Variants in SLC26A4 observed in about 807,000 individuals in gnomAD.
The protein encoded by SLC26A4 is solute carrier family 26 member 4.
Under a neutral mutation model 90.4 loss-of-function variants are expected in SLC26A4, and 93 were observed. That is an observed-to-expected ratio of 1.03 (90% confidence interval 0.87 to 1.22). The LOEUF (loss-of-function observed/expected upper bound fraction) is 1.22. Ranked by LOEUF, SLC26A4 falls within the 50% of genes most tolerant of loss-of-function variation. SLC26A4 has a pLI of 0.00. For synonymous variants in SLC26A4, 393 were observed against 354.6 expected, an observed-to-expected ratio of 1.11 and a Z score of -1.22; for missense variants, 1,127 against 946.2, an observed-to-expected ratio of 1.19 and a Z score of -2.51.
rs1193453648 is a variant in SLC26A4 at position 107,712,622 on chromosome 7, G to A, written c.2319G>A (p.Glu773=). The A allele has an allele frequency of 1.3e-6, 2 of 1,493,260 alleles. No individual in the cohort carries two copies. The highest frequency in any genetic ancestry group is 2.3e-5 in the East Asian group (1 of 44,286). 92.5% of individuals were successfully genotyped at this position (1,493,260 alleles called of 1,614,324 possible). A position where few individuals can be genotyped will look rare whatever the true frequency, so the allele number is the denominator to read the frequency against. Reference sequence around the variant, plus strand: ...AAGAAGAACTTGATGTCCAGGATGAGGTATGATCATTTTCTTCTGAAGAAA... The same window carrying A: ...AAGAAGAACTTGATGTCCAGGATGAAGTATGATCATTTTCTTCTGAAGAAA... ...LTEEELDVQD[E]AMRTLAS Residue 773 remains glutamate, a splice_region_variant and synonymous_variant, in exon 20 of 21, where the codon GAG becomes GAA. Transcript: ENST00000644269.
intron 6 of SLC26A4, among the ~76,000 whole-genome samples, chr7:107,679,877 ATATAATC>A (rs1562826781): frequency 1.6e-5 from 2 of 125,138 alleles, no homozygotes; most frequent in African/African-American, 7.0e-5. Context: ...ATCTTATATT[ATATAATC>A]TTATCTTATA....
chr7:107,669,701 CTGT>C (rs987309411), intron 3 of SLC26A4, among the ~76,000 whole-genome samples: 2 of 152,206 alleles, frequency 1.3e-5, no homozygotes, highest in African/African-American at 4.8e-5. Context: ...GCATAATCAA[CTGT>C]TGTTGAATGA....
rs60305182 is a variant in SLC26A4, at chr7:107,665,822, C to T, written c.304+2387C>T. 0.015 allele frequency among the ~76,000 whole-genome samples: 2,277 copies of T among 152,248 alleles called. 200 individuals are homozygous for T. In the East Asian group the frequency reaches 0.26, roughly 17 times the overall value. ...ATCTATTAAATCTTGCCCAGGGTCA[C>T]GTGGCTGGTAAGTGGTACAGCTGGG... is the stretch of plus-strand genomic sequence containing the variant. On this transcript the variant is annotated intron_variant, in intron 3 of 20. Transcript: ENST00000644269.
Position 107,709,987 on chromosome 7 carries a change from T to A in SLC26A4, c.2090-67T>A, listed in dbSNP as rs1792136044. The A allele has an allele frequency of 7.4e-6, 10 of 1,356,708 alleles. No homozygotes were observed. The East Asian group carries it at 2.3e-4, about 31-fold the overall frequency. 84.0% of individuals were successfully genotyped at this position (1,356,708 alleles called of 1,614,324 possible). Reference sequence around the variant, plus strand: ...CAGCCTGGGCAATAGAATGAGACTCTGTCTCAAAAACAAACAAAAATTTCT... The same window carrying A: ...CAGCCTGGGCAATAGAATGAGACTCAGTCTCAAAAACAAACAAAAATTTCT... On this transcript the variant is annotated intron_variant, in intron 18 of 20. Transcript: ENST00000644269.
At chr7:107,692,889 A>T (rs935409570) in intron 10 of SLC26A4, 1 of 152,174 alleles carries the variant, frequency 6.6e-6, no homozygotes, top group African/African-American at 2.4e-5. Context: ...TAGTGGCCAA[A>T]ATGAGCCTTG....
Position 107,661,225 on chromosome 7 carries a change from A to C in SLC26A4, c.-4+370A>C. 1.1e-4 allele frequency: 24 copies of C among 224,178 alleles called. No homozygotes were observed. The highest frequency in any genetic ancestry group is 1.8e-4 in the Non-Finnish European group (20 of 111,958). 13.9% of individuals were successfully genotyped at this position (224,178 alleles called of 1,614,324 possible). On this transcript the variant is annotated intron_variant, in intron 1 of 20. Coordinates refer to ENST00000644269, the MANE Select transcript of SLC26A4 (RefSeq NM_000441.2). This position sits in a 1 kb window ranked among gnomAD's most constrained non-coding sequence, Gnocchi z 5.1. The stretch of plus-strand genomic sequence containing the variant: ...CGGGTCAGGTGCGGGGAGGGAGGGA[A>C]TCTCAGTGTCCCCTTCCAGCCTTGC...
chr7:107,675,105 T>C lies in SLC26A4; in HGVS notation c.761T>C (p.Ile254Thr). Residue 254 changes from isoleucine to threonine, a missense_variant, in exon 6 of 21, where the codon ATC becomes ACC. Physicochemically the swap from Ile to Thr is moderately conservative, Grantham distance 89. Transcript: ENST00000644269. ...TKNYNGVLSI[I>T]YTLVEIFQNI... Reference sequence around the variant, plus strand: ...AACTACAATGGAGTTCTCTCTATTATCTATGTAAGTGTTGCTTCTTGCTCC... The same window carrying C: ...AACTACAATGGAGTTCTCTCTATTACCTATGTAAGTGTTGCTTCTTGCTCC... 1 of 1,613,126 alleles carries C rather than the reference T, an allele frequency of 6.2e-7. No homozygotes were observed.
rs774544475 is a variant in SLC26A4 at position 107,698,131 on chromosome 7, A to G, written c.1614+20A>G. ...AAAAACGTAAGTACCTTTGTGAGAC[A>G]TTTGCTGGACTTGGGTTTACTAGCC... is the stretch of plus-strand genomic sequence containing the variant. On this transcript the variant is annotated intron_variant, in intron 14 of 20. Transcript: ENST00000644269. 2 of 1,534,136 alleles carry G rather than the reference A, an allele frequency of 1.3e-6. No individual in the cohort carries two copies. Among genetic ancestry groups the G allele is most frequent in the South Asian group, 1.1e-5 (1 of 89,478 alleles).
intron 6 of SLC26A4, among the ~76,000 whole-genome samples, chr7:107,677,148 G>T (rs1791044847): frequency 6.6e-6 from 1 of 152,208 alleles, no homozygotes; most frequent in Non-Finnish European, 1.5e-5. Flanking sequence ...CTGCCTTCCA[G>T]CCTGGGTGAT....
intron 6 of SLC26A4, among the ~76,000 whole-genome samples, chr7:107,680,002 T>C (rs1584313542): frequency 1.5e-5 from 2 of 134,970 alleles, no homozygotes. Context: ...TATAATCTTA[T>C]CTTATTATAT....
At chr7:107,668,051 G>T (rs934237022) in intron 3 of SLC26A4, among the ~76,000 whole-genome samples, 1 of 152,080 alleles carries the variant, frequency 6.6e-6, no homozygotes, top group African/African-American at 2.4e-5. Flanking sequence ...GGGTCCCCAG[G>T]CAGTGTTGAG....
intron 9 of SLC26A4, 86 bp downstream of exon 9, chr7:107,689,286 A>T: frequency 1.4e-6 from 2 of 1,425,320 alleles, no homozygotes; most frequent in South Asian, 2.3e-5. Context: ...TGTCAGCTAA[A>T]GAAGGGGTTG....
chr7:107,681,244 A>C (rs1294764837), intron 6 of SLC26A4, among the ~76,000 whole-genome samples: 2 of 152,152 alleles, frequency 1.3e-5, no homozygotes, highest in Non-Finnish European at 2.9e-5. Context: ...GTCTTCCTAC[A>C]AGTTAAATGC....
chr7:107,672,062 A>G, intron 3 of SLC26A4, 76 bp from the exon 4 acceptor site: 1 of 884,374 alleles, frequency 1.1e-6, no homozygotes, highest in South Asian at 1.3e-5. Context: ...TCATAAGTGG[A>G]ACCATTGTAA....
chr7:107,704,955 A>G (rs567292361), intron 18 of SLC26A4, among the ~76,000 whole-genome samples: 3 of 152,284 alleles, frequency 2.0e-5, no homozygotes, highest in East Asian at 3.9e-4. Flanking sequence ...GCGGGAGCTT[A>G]GTCTAAAACA....
chr7:107,714,885 G>C (rs1348568241), intron 20 of SLC26A4, among the ~76,000 whole-genome samples: 2 of 152,002 alleles, frequency 1.3e-5, no homozygotes, highest in Non-Finnish European at 2.9e-5. Flanking sequence ...CATAGTAAGT[G>C]CTCAATAAAT....
intron 9 of SLC26A4, among the ~76,000 whole-genome samples, chr7:107,689,823 A>G (rs889280508): frequency 6.6e-6 from 1 of 152,224 alleles, no homozygotes; most frequent in Non-Finnish European, 1.5e-5. Context: ...AAAACACTTT[A>G]TGTGAGAGCT....
At chr7:107,666,897 G>C (rs539638682) in intron 3 of SLC26A4, among the ~76,000 whole-genome samples, 4 of 152,310 alleles carry the variant, frequency 2.6e-5, no homozygotes, top group African/African-American at 9.6e-5. Context: ...GAATTAAAGG[G>C]AGAATGGGTG....
intron 18 of SLC26A4, among the ~76,000 whole-genome samples, chr7:107,708,481 G>C (rs1448153531): frequency 6.6e-6 from 1 of 151,904 alleles, no homozygotes; most frequent in East Asian, 1.9e-4. Flanking sequence ...TTCCTGCCTT[G>C]TTTTGATTTC....
Sources: gnomAD v4.1 joint callset for allele counts (sites outside exome capture counted in the v4.1 genomes callset) on GRCh38, gnomAD v4.1.1 for gene constraint, Gnocchi (gnomAD v3.1) non-coding constraint, MANE v1.5 for transcripts, NCBI Gene and HGNC (gene_info 2026-07-23, HGNC 2026-07-21) for gene names.